The following TGIF1 variants were observed in gnomAD, a reference collection of about 807,000 sequenced individuals.
The protein encoded by TGIF1 is TGFB induced factor homeobox 1.
A neutral mutation model predicts 19.3 loss-of-function variants in TGIF1; 4 were observed. The ratio of observed to expected loss-of-function variants is 0.21; its 90% CI spans 0.10 to 0.47. The LOEUF (loss-of-function observed/expected upper bound fraction) is 0.47, where lower values mean the gene tolerates loss of function less well. Ranked by LOEUF, TGIF1 falls within the 20% of genes least tolerant of loss-of-function variation. The pLI is 0.98. For missense variants in TGIF1, 275 were observed against 341.4 expected (o/e 0.81, Z 1.53); for synonymous variants, 122 against 129.3 (o/e 0.94, Z 0.38).
At chr18:3,448,357 G>A (rs927553396), upstream of TGIF1, 1 of 1,005,268 alleles carries the variant, frequency 9.9e-7, no homozygotes, top group Non-Finnish European at 1.2e-6. Context: ...TAGCGAGGCG[G>A]CCCCCTCTAA....
intron 1 of TGIF1, among the ~76,000 whole-genome samples, chr18:3,452,659 G>T (rs1305952451): frequency 2.6e-5 from 4 of 151,932 alleles, no homozygotes; most frequent in African/African-American, 9.7e-5. Context: ...TTTCCTCCTT[G>T]GGCCCCTCCC....
intron 1 of TGIF1, among the ~76,000 whole-genome samples, chr18:3,450,729 T>C (rs541565096): frequency 1.3e-5 from 2 of 152,334 alleles, no homozygotes; most frequent in South Asian, 2.1e-4. Flanking sequence ...TCCACGCTGC[T>C]GGCACGTTGT....
chr18:3,451,679 G>A lies in TGIF1; in HGVS notation c.16+1174G>A. 1 of 1,179,404 alleles carries A rather than the reference G, an allele frequency of 8.5e-7. No homozygotes were observed. Among genetic ancestry groups the A allele is most frequent in the Non-Finnish European group, 1.0e-6 (1 of 954,558 alleles). The allele number at this position is 1,179,404 out of a possible 1,614,324, so 73.1% of individuals were successfully genotyped here. On this transcript the variant is annotated intron_variant, in intron 1 of 2. Coordinates refer to ENST00000343820, the MANE Select transcript of TGIF1 (RefSeq NM_003244.4). This position sits in a 1 kb window ranked among gnomAD's most constrained non-coding sequence, Gnocchi z 5.4. ...GGTTCCTTCGGCTGCGTTTCTGTGG[G>A]AGGCCCTGAAACGCGCGGAGCTTCC...
chr18:3,439,656 T>A (rs528680056), intron 2 of TGIF1, among the ~76,000 whole-genome samples: 5 of 152,216 alleles, frequency 3.3e-5, no homozygotes, highest in Non-Finnish European at 7.4e-5. Flanking sequence ...AAGATTTTTT[T>A]AAAATAAAAT....
At position 3,456,243 on chromosome 18, in the gene TGIF1, C is replaced by G. The variant is rs754356601; in HGVS notation, c.17-111C>G. ...CAGAAAACACTGCTCCTTCTCCTCG[C>G]TCTCAGTTGTTGGGAAAGCATGGTT... On this transcript the variant is annotated intron_variant, in intron 1 of 2. Transcript: ENST00000343820. This position sits in a 1 kb window ranked among gnomAD's most constrained non-coding sequence, Gnocchi z 4.2. The G allele has an allele frequency of 9.5e-7, 1 of 1,056,338 alleles. No individual in the cohort carries two copies. The highest frequency in any genetic ancestry group is 1.5e-6 in the Non-Finnish European group (1 of 676,038). The allele number at this position is 1,056,338 out of a possible 1,614,324, so 65.4% of individuals were successfully genotyped here. A position where few individuals can be genotyped will look rare whatever the true frequency, so the allele number is the denominator to read the frequency against.
Position 3,451,793 on chromosome 18 carries a change from C to A in TGIF1, c.16+1288C>A, listed in dbSNP as rs2082946213. On this transcript the variant is annotated intron_variant, in intron 1 of 2. Coordinates refer to ENST00000343820, the MANE Select transcript of TGIF1 (RefSeq NM_003244.4). The surrounding 1 kb of genome is among the most constrained non-coding windows in gnomAD (Gnocchi z 5.4). Reference sequence around the variant, plus strand: ...CGTTGTTGGTAGAACGCCCTAAGGACCCCTCCCCGCGGGACGGAGGGAGGA... The same window carrying A: ...CGTTGTTGGTAGAACGCCCTAAGGAACCCTCCCCGCGGGACGGAGGGAGGA... 30 of 1,292,486 alleles carry A rather than the reference C, an allele frequency of 2.3e-5. No individual in the cohort carries two copies. Among genetic ancestry groups the A allele is most frequent in the Admixed American group, 3.7e-5 (1 of 27,100 alleles). The allele number at this position is 1,292,486 out of a possible 1,614,324, so 80.1% of individuals were successfully genotyped here. A position where few individuals can be genotyped will look rare whatever the true frequency, so the allele number is the denominator to read the frequency against.
rs148845199 is a variant in TGIF1, at chr18:3,438,501, C to G, written c.-44-17853C>G. Among the ~76,000 whole-genome samples the G allele has an allele frequency of 2.3e-3, 348 of 151,780 alleles. 2 individuals are homozygous for G. The highest frequency in any genetic ancestry group is 7.5e-3 in the African/African-American group (312 of 41,452). ...GCTGTTTGTGTTTCTATGTCACCAT[C>G]TGGCTGTGCTGGCTAAAAACAGCTC... On this transcript the variant is annotated intron_variant, in intron 2 of 3. Transcript: ENST00000401449.
chr18:3,457,225 A>G lies in TGIF1; in HGVS notation c.244-140A>G. 1.0e-6 allele frequency: 1 copy of G among 970,822 alleles called. No individual in the cohort carries two copies. Among genetic ancestry groups the G allele is most frequent in the Non-Finnish European group, 1.6e-6 (1 of 634,626 alleles). The allele number at this position is 970,822 out of a possible 1,614,324, so 60.1% of individuals were successfully genotyped here. A position where few individuals can be genotyped will look rare whatever the true frequency, so the allele number is the denominator to read the frequency against. On this transcript the variant is annotated intron_variant, in intron 2 of 2. Coordinates refer to ENST00000343820, the MANE Select transcript of TGIF1 (RefSeq NM_003244.4). This position sits in a 1 kb window ranked among gnomAD's most constrained non-coding sequence, Gnocchi z 4.9. Reference sequence around the variant, plus strand: ...TGGCGGAGCTCAGATACCTTGAAATAACATTGTAAATTCAGATAAGGCTTT... The same window carrying G: ...TGGCGGAGCTCAGATACCTTGAAATGACATTGTAAATTCAGATAAGGCTTT...
In TGIF1 at chr18:3,450,479, G is replaced by C; in HGVS notation, c.-11G>C. The C allele has an allele frequency of 6.4e-7, 1 of 1,559,720 alleles. No homozygotes were observed. The highest frequency in any genetic ancestry group is 8.7e-7 in the Non-Finnish European group (1 of 1,152,012). On this transcript the variant is annotated 5_prime_UTR_variant, in exon 1 of 3. Transcript: ENST00000343820. ...CCCCGCCTTGCCTCGCGCTGGGAGG[G>C]GAGATCCAGAATGAAAGGCAAGAAA...
Position 3,457,111 on chromosome 18 carries a change from C to T in TGIF1, c.244-254C>T, listed in dbSNP as rs941579608. The T allele has an allele frequency of 1.5e-5, 9 of 583,004 alleles. No homozygotes were observed. The highest frequency in any genetic ancestry group is 6.1e-5 in the Admixed American group (2 of 32,808). 36.1% of individuals were successfully genotyped at this position (583,004 alleles called of 1,614,324 possible). ...ATTTGAGATTGTATGTCTTTTTCTT[C>T]GTCCTGAAAAGGTTTAAGTATGAAG... On this transcript the variant is annotated intron_variant, in intron 2 of 2. Coordinates refer to ENST00000343820, the MANE Select transcript of TGIF1 (RefSeq NM_003244.4). This position sits in a 1 kb window ranked among gnomAD's most constrained non-coding sequence, Gnocchi z 4.9.
intron 1 of TGIF1, among the ~76,000 whole-genome samples, chr18:3,452,677 G>T (rs573607336): frequency 3.3e-5 from 5 of 152,172 alleles, no homozygotes; most frequent in African/African-American, 1.2e-4. Context: ...CCCTCTCCCC[G>T]TGCTCCTCCG....
chr18:3,427,236 G>A (rs12457459), intron 2 of TGIF1, among the ~76,000 whole-genome samples: 17,670 of 151,416 alleles, frequency 0.12, 1,271 homozygotes, highest in African/African-American at 0.22. Context: ...GAGCCACCGC[G>A]CCCAGCCAAT....
chr18:3,448,713 GTGTCTT>G (rs754114216), upstream of TGIF1: 75 of 688,968 alleles, frequency 1.1e-4, no homozygotes, highest in Non-Finnish European at 1.2e-4. Flanking sequence ...AGGGGCGGGG[GTGTCTT>G]TTTTTTTTTT....
At chr18:3,435,264 C>A (rs1028212329) in intron 2 of TGIF1, among the ~76,000 whole-genome samples, 1 of 149,992 alleles carries the variant, frequency 6.7e-6, no homozygotes, top group Admixed American at 6.6e-5. Context: ...GTGATCTCGG[C>A]TCACTGCAAC....
At chr18:3,432,873 C>T (rs967149028) in intron 2 of TGIF1, among the ~76,000 whole-genome samples, 1 of 151,992 alleles carries the variant, frequency 6.6e-6, no homozygotes, top group East Asian at 1.9e-4. Flanking sequence ...AATTCTCCTG[C>T]CTCAGCCTCC....
chr18:3,452,458 G>GT (rs1229964461), intron 1 of TGIF1: 7 of 1,600,722 alleles, frequency 4.4e-6, no homozygotes, highest in Non-Finnish European at 6.0e-6. Flanking sequence ...GGTTACCCGG[G>GT]TTTCTTTCCC....
rs76071245 is a variant in TGIF1 at position 3,438,769 on chromosome 18, T to C, written c.-44-17585T>C. Among the ~76,000 whole-genome samples the C allele has an allele frequency of 0.012, 1,832 of 152,208 alleles. 114 individuals are homozygous for C. The East Asian group carries it at 0.19, about 16-fold the overall frequency. The stretch of plus-strand genomic sequence containing the variant: ...CTGAACCAAAAAAAATCAAGGCGCG[T>C]AGTCTGACCGGTGCAAACAGAAGTG... On this transcript the variant is annotated intron_variant, in intron 2 of 3. Coordinates refer to the TGIF1 transcript ENST00000401449.
intron 1 of TGIF1, among the ~76,000 whole-genome samples, chr18:3,414,753 C>G (rs1021787877): frequency 2.0e-5 from 3 of 151,974 alleles, no homozygotes; most frequent in Non-Finnish European, 4.4e-5. Context: ...ATCAAAACCC[C>G]ATAATATTCT....
intron 2 of TGIF1, among the ~76,000 whole-genome samples, chr18:3,442,713 G>A (rs140311938): frequency 5.8e-4 from 88 of 152,026 alleles, no homozygotes; most frequent in Non-Finnish European, 9.3e-4. Context: ...TAGTGAGACC[G>A]CATCTCTACT....
Sources: gnomAD v4.1 joint callset for allele counts (sites outside exome capture counted in the v4.1 genomes callset) on GRCh38, gnomAD v4.1.1 for gene constraint, Gnocchi (gnomAD v3.1) non-coding constraint, MANE v1.5 for transcripts, NCBI Gene and HGNC (gene_info 2026-07-23, HGNC 2026-07-21) for gene names.